Variants in RANBP2 observed in about 807,000 individuals in gnomAD.
The protein encoded by RANBP2 is E3 SUMO-protein ligase RanBP2.
In RANBP2, 57 loss-of-function variants were observed where a neutral mutation model predicts 303.6. The observed-to-expected ratio is 0.19, with a 90% CI of 0.15 to 0.23. The LOEUF is 0.23. Among genes scored for constraint, RANBP2 ranks in the 10% least tolerant of loss-of-function variants. The probability of loss-of-function intolerance (pLI) is 1.00; values close to 1 mark genes in which losing one functional copy is unlikely to be tolerated. For missense variants in RANBP2, 3,138 were observed against 3,780.8 expected, an observed-to-expected ratio of 0.83 and a Z score of 4.46; for synonymous variants, 1,167 against 1,301.5, an observed-to-expected ratio of 0.90 and a Z score of 2.23.
chr2:108,933,062 C>T, the RANBP2 span, among the ~76,000 whole-genome samples: 1,129 of 152,296 alleles, frequency 7.4e-3, 12 homozygotes, highest in African/African-American at 0.026. Context: ...TAAACACCCA[C>T]AAAAAATCCA....
At chr2:109,044,475 A>G in the RANBP2 span, among the ~76,000 whole-genome samples, 2 of 152,122 alleles carry the variant, frequency 1.3e-5, no homozygotes, top group Admixed American at 6.6e-5. Context: ...GTGAACCGAG[A>G]TGGCGCCACT....
At chr2:108,851,299 T>G in the RANBP2 span, among the ~76,000 whole-genome samples, 1 of 151,864 alleles carries the variant, frequency 6.6e-6, no homozygotes, top group Non-Finnish European at 1.5e-5. Flanking sequence ...TTGTTTTTTG[T>G]TGTTTGTTTG....
At chr2:108,735,398 A>G in intron 4 of RANBP2, 134 bp from the exon 5 acceptor site, 1 of 1,538,590 alleles carries the variant, frequency 6.5e-7, no homozygotes, top group Non-Finnish European at 8.8e-7. Flanking sequence ...GGGATGAATA[A>G]GGTATATAGG....
At chr2:108,874,939 G>T in the RANBP2 span, among the ~76,000 whole-genome samples, 3 of 150,492 alleles carry the variant, frequency 2.0e-5, no homozygotes, top group Non-Finnish European at 4.4e-5. Flanking sequence ...TTTTTTAAAG[G>T]TAGTCCCAAA....
chr2:109,401,272 T>C, the RANBP2 span, among the ~76,000 whole-genome samples: 3 of 152,208 alleles, frequency 2.0e-5, no homozygotes, highest in Non-Finnish European at 4.4e-5. Flanking sequence ...GAAAGTTGTG[T>C]TGTGAAACAA....
chr2:108,827,814 T>TAAAAAAAAA, the RANBP2 span, among the ~76,000 whole-genome samples: 1 of 134,110 alleles, frequency 7.5e-6, no homozygotes, highest in Non-Finnish European at 1.6e-5. Context: ...AGAATATGTC[T>TAAAAAAAAA]AAAAAAAAAA....
chr2:109,632,402 G>T, the RANBP2 span, among the ~76,000 whole-genome samples: 2 of 152,296 alleles, frequency 1.3e-5, no homozygotes, highest in East Asian at 1.9e-4. Context: ...GGTGAACTTT[G>T]CCCTCAATCT....
At chr2:109,326,532 G>A in the RANBP2 span, among the ~76,000 whole-genome samples, 2 of 152,122 alleles carry the variant, frequency 1.3e-5, no homozygotes, top group African/African-American at 4.8e-5. Flanking sequence ...TTAAATTTTT[G>A]CCAATCTGGT....
At chr2:109,489,886 T>C in the RANBP2 span, among the ~76,000 whole-genome samples, 25 of 152,250 alleles carry the variant, frequency 1.6e-4, no homozygotes, top group South Asian at 4.1e-4. Context: ...TACAGGCAAG[T>C]GCCACCACAC....
chr2:109,386,878 CA>C, the RANBP2 span, among the ~76,000 whole-genome samples: 1 of 151,952 alleles, frequency 6.6e-6, no homozygotes, highest in Non-Finnish European at 1.5e-5. Flanking sequence ...TGTACAAAAT[CA>C]AAAAAAATCT....
chr2:108,749,072 A>G lies in RANBP2; in HGVS notation c.1216A>G (p.Ile406Val), dbSNP rs1251336337. The G allele has an allele frequency of 1.1e-4, 184 of 1,611,866 alleles. No individual in the cohort carries two copies. The highest frequency in any genetic ancestry group is 1.5e-4 in the Non-Finnish European group (180 of 1,179,878). ...TACATCTTTTCTTGGTAGCGATGAT[A>G]TTGGAAACATTGATGTACGAGAACC... ...KDTSFLGSDD[I>V]GNIDVREPEL... The change falls in exon 9 of 29, where the codon ATT becomes GTT. Residue 406 changes from isoleucine (I) to valine (V), a missense_variant. Physicochemically the swap from Ile to Val is conservative, Grantham distance 29 (BLOSUM62 3). This residue lies in a region of RANBP2 where 95 missense variants were observed against 86.4 expected (regional missense o/e 1.10). Coordinates refer to ENST00000283195, the MANE Select transcript of RANBP2 (RefSeq NM_006267.5).
chr2:109,033,543 G>A, the RANBP2 span, among the ~76,000 whole-genome samples: 1 of 152,180 alleles, frequency 6.6e-6, no homozygotes, highest in Non-Finnish European at 1.5e-5. Context: ...TATACACCAG[G>A]GAAGAAAGAT....
At chr2:109,230,525 A>C in the RANBP2 span, among the ~76,000 whole-genome samples, 204 of 152,284 alleles carry the variant, frequency 1.3e-3, no homozygotes, top group Non-Finnish European at 1.8e-3. Flanking sequence ...GGTTGAAGTG[A>C]GCTGAGATAG....
chr2:108,734,432 C>G (rs1695406784), intron 4 of RANBP2, among the ~76,000 whole-genome samples: 1 of 151,506 alleles, frequency 6.6e-6, no homozygotes. Context: ...CAAATGAAAT[C>G]AGTTAGCTTG....
the RANBP2 span, among the ~76,000 whole-genome samples, chr2:108,795,150 A>ATTTTTTTTT: frequency 6.6e-4 from 56 of 85,032 alleles, 1 homozygote; most frequent in East Asian, 1.1e-3. Context: ...TCTAAAGTGT[A>ATTTTTTTTT]TTTTTTTTTT....
the RANBP2 span, chr2:108,882,391 C>T: frequency 6.6e-6 from 1 of 152,132 alleles, no homozygotes; most frequent in African/African-American, 2.4e-5. Context: ...TTAGGTATGC[C>T]TGTATGGAAA....
At chr2:109,476,861 G>T in the RANBP2 span, among the ~76,000 whole-genome samples, 1 of 152,192 alleles carries the variant, frequency 6.6e-6, no homozygotes, top group Non-Finnish European at 1.5e-5. Context: ...ACCATATCGG[G>T]TAACTTCCTG....
chr2:109,259,727 C>T, the RANBP2 span, among the ~76,000 whole-genome samples: 1 of 152,148 alleles, frequency 6.6e-6, no homozygotes, highest in African/African-American at 2.4e-5. Context: ...TGGTTCTTTT[C>T]ACTTCTTTTT....
chr2:109,134,789 C>T, the RANBP2 span, among the ~76,000 whole-genome samples: 2 of 152,194 alleles, frequency 1.3e-5, no homozygotes, highest in African/African-American at 4.8e-5. Flanking sequence ...TTCCATTCAC[C>T]GTGCCTCACG....
Sources: allele counts gnomAD v4.1 joint callset (sites outside exome capture counted in the v4.1 genomes callset), GRCh38; gene constraint gnomAD v4.1.1; regional missense constraint gnomAD v4.1.1; transcripts MANE v1.5; gene names NCBI Gene and HGNC (gene_info 2026-07-23, HGNC 2026-07-21).